The following NREP variants were observed in gnomAD, a reference collection of about 807,000 sequenced individuals.
NREP encodes the protein neuronal regeneration-related protein.
Under a neutral mutation model 8.6 loss-of-function variants are expected in NREP, and 5 were observed. The observed-to-expected ratio is 0.58, with a 90% CI of 0.30 to 1.22. NREP has a LOEUF of 1.22. Ranked by LOEUF, NREP falls within the 50% of genes most tolerant of loss-of-function variation. The pLI is 0.07. For synonymous variants in NREP, 27 were observed against 28.0 expected (o/e 0.96, Z 0.11); for missense variants, 86 against 82.5 (o/e 1.04, Z -0.17).
chr5:111,877,529 T>G (rs1275394650), intron 2 of NREP, among the ~76,000 whole-genome samples: 1 of 152,188 alleles, frequency 6.6e-6, no homozygotes, highest in Non-Finnish European at 1.5e-5. Flanking sequence ...GAGTTGGTTG[T>G]GTTAGTTAAT....
intron 2 of NREP, among the ~76,000 whole-genome samples, chr5:111,932,717 T>C (rs1755575550): frequency 6.6e-6 from 1 of 152,134 alleles, no homozygotes; most frequent in Non-Finnish European, 1.5e-5. Flanking sequence ...ATATCTGGTA[T>C]ATAAGACCCT....
At chr5:111,784,264 G>T (rs1010061060) in intron 2 of NREP, among the ~76,000 whole-genome samples, 16 of 152,112 alleles carry the variant, frequency 1.1e-4, no homozygotes, top group Non-Finnish European at 1.8e-4. Context: ...GTTTAGTTTT[G>T]TCCATATTTT....
chr5:111,961,634 C>T (rs1756482959), intron 2 of NREP, among the ~76,000 whole-genome samples: 1 of 152,094 alleles, frequency 6.6e-6, no homozygotes, highest in Non-Finnish European at 1.5e-5. Context: ...CTTTTATTTA[C>T]TCTACATTTA....
At chr5:111,871,128 G>T (rs1753781584) in intron 2 of NREP, among the ~76,000 whole-genome samples, 1 of 149,354 alleles carries the variant, frequency 6.7e-6, no homozygotes, top group African/African-American at 2.5e-5. Context: ...TGTGAGAAAG[G>T]CGTGTTAGGC....
intron 2 of NREP, among the ~76,000 whole-genome samples, chr5:111,737,740 A>C (rs1749268002): frequency 6.6e-6 from 1 of 150,468 alleles, no homozygotes; most frequent in Non-Finnish European, 1.5e-5. Flanking sequence ...CAAAAACAAA[A>C]ACAAAAAAAA....
chr5:111,789,199 A>T (rs1197987295), intron 2 of NREP, among the ~76,000 whole-genome samples: 1 of 152,064 alleles, frequency 6.6e-6, no homozygotes, highest in African/African-American at 2.4e-5. Context: ...GTGTGTGTGT[A>T]ATATATTGTT....
intron 2 of NREP, among the ~76,000 whole-genome samples, chr5:111,843,278 T>C (rs552051352): frequency 8.6e-5 from 13 of 151,982 alleles, no homozygotes; most frequent in Non-Finnish European, 1.6e-4. Flanking sequence ...TTAAATGTCC[T>C]TTCTTCAAGC....
chr5:111,960,440 C>G (rs1315102455), intron 2 of NREP, among the ~76,000 whole-genome samples: 1 of 152,114 alleles, frequency 6.6e-6, no homozygotes, highest in Non-Finnish European at 1.5e-5. Flanking sequence ...ACAGAGAGGA[C>G]TTGCAAAAAT....
At chr5:111,804,278 AATAG>A (rs1241413666) in intron 2 of NREP, among the ~76,000 whole-genome samples, 8 of 152,234 alleles carry the variant, frequency 5.3e-5, no homozygotes, top group African/African-American at 1.9e-4. Context: ...ACACTGGAGG[AATAG>A]ATAGACTTTT....
intron 2 of NREP, among the ~76,000 whole-genome samples, chr5:111,772,289 A>T (rs906754679): frequency 6.6e-6 from 1 of 152,176 alleles, no homozygotes; most frequent in East Asian, 1.9e-4. Flanking sequence ...CTGATAAATA[A>T]CCAGAGGTGA....
At chr5:111,900,130 A>T (rs1380974841) in intron 2 of NREP, among the ~76,000 whole-genome samples, 1 of 152,126 alleles carries the variant, frequency 6.6e-6, no homozygotes, top group Non-Finnish European at 1.5e-5. Context: ...CTAGAAATTA[A>T]TAACAAGAGA....
At chr5:111,760,248 ATC>A (rs1208260834), upstream of NREP, among the ~76,000 whole-genome samples, 1 of 152,204 alleles carries the variant, frequency 6.6e-6, no homozygotes, top group Non-Finnish European at 1.5e-5. Flanking sequence ...CCAGATATGT[ATC>A]CAGACACTAC....
chr5:111,768,951 G>A (rs886224479), intron 2 of NREP, among the ~76,000 whole-genome samples: 3 of 152,188 alleles, frequency 2.0e-5, no homozygotes, highest in Admixed American at 1.3e-4. Flanking sequence ...GTTTTCCACA[G>A]TGGCTGCACT....
Position 111,750,792 on chromosome 5 carries a change from A to C in NREP, c.3+4978T>G, listed in dbSNP as rs574553647. 2.6e-3 allele frequency among the ~76,000 whole-genome samples: 398 copies of C among 152,288 alleles called. 2 individuals are homozygous for C. The highest frequency in any genetic ancestry group is 9.3e-3 in the African/African-American group (387 of 41,548). On this transcript the variant is annotated intron_variant, in intron 2 of 3. Transcript: ENST00000257435. ...GGAAAAGCTGCTGTGAGCTTTAAAT[A>C]CCATAGCTGGATCCAACCCAGAGAG...
rs1357738460 is a variant in NREP at position 111,830,947 on chromosome 5, T to C, written c.136-95440A>G. Among the ~76,000 whole-genome samples, 7 of 152,324 alleles carry C rather than the reference T, an allele frequency of 4.6e-5. No homozygotes were observed. The East Asian group carries it at 1.3e-3, about 29-fold the overall frequency. On this transcript the variant is annotated intron_variant, in intron 2 of 3. Transcript: ENST00000395634. ...AACTACAGCAGAAATTGATGTGTTA[T>C]TTACTTGTACTTCCCTGTTCCATAA...
At chr5:111,908,980 G>A (rs968956231) in intron 2 of NREP, among the ~76,000 whole-genome samples, 1 of 151,970 alleles carries the variant, frequency 6.6e-6, no homozygotes, top group Non-Finnish European at 1.5e-5. Flanking sequence ...GATGATTCGT[G>A]ATGTTGAGCA....
At chr5:111,757,275 T>TGGAGGAAGAGGAG (rs1750783077), upstream of NREP, 1 of 213,578 alleles carries the variant, frequency 4.7e-6, no homozygotes, top group Non-Finnish European at 6.3e-6. Flanking sequence ...GGGAAAGGGG[T>TGGAGGAAGAGGAG]GGAGGAAGAG....
At chr5:111,769,687 T>C (rs530870118) in intron 2 of NREP, among the ~76,000 whole-genome samples, 1 of 152,296 alleles carries the variant, frequency 6.6e-6, no homozygotes, top group East Asian at 1.9e-4. Flanking sequence ...CTTACAATTA[T>C]AGCAGAAGGC....
chr5:111,853,532 A>G (rs939603606), intron 2 of NREP, among the ~76,000 whole-genome samples: 3 of 152,106 alleles, frequency 2.0e-5, no homozygotes, highest in Non-Finnish European at 4.4e-5. Flanking sequence ...TAATTTTTTC[A>G]TAAATCTAAA....
Sources: allele counts gnomAD v4.1 joint callset (sites outside exome capture counted in the v4.1 genomes callset), GRCh38; gene constraint gnomAD v4.1.1; transcripts MANE v1.5; gene names NCBI Gene and HGNC (gene_info 2026-07-23, HGNC 2026-07-21).